GPN3: variants seen among roughly 807,000 people sequenced by gnomAD.
The protein encoded by GPN3 is GPN-loop GTPase 3.
In GPN3, 31 loss-of-function variants were observed where a neutral mutation model predicts 38.7. The observed-to-expected ratio is 0.80, with a 90% confidence interval of 0.60 to 1.08. GPN3 has a LOEUF of 1.08. GPN3 is among the 50% of genes least tolerant of loss of function. The pLI is 0.00. For missense variants in GPN3, 301 were observed against 354.4 expected (o/e 0.85, Z 1.21); for synonymous variants, 116 against 120.2 (o/e 0.96, Z 0.23).
chr12:110,457,477 A>T, intron 4 of GPN3, 33 bp downstream of exon 4: 2 of 1,426,458 alleles, frequency 1.4e-6, no homozygotes, highest in Non-Finnish European at 1.8e-6. Flanking sequence ...AAAAAAAAAA[A>T]AAAAAAAATC....
At position 110,468,241 on chromosome 12, in the gene GPN3, T is replaced by A; in HGVS notation, c.-38A>T. ...AGCCGCCCGCCACACTCCCTTAGCC[T>A]TCGCGCGACGCCCACTGAGCTCCGG... On this transcript the variant is annotated 5_prime_UTR_variant, in exon 1 of 8. The change creates a new upstream start codon in the 5' untranslated region. Transcript: ENST00000228827. The A allele has an allele frequency of 6.2e-7, 1 of 1,605,604 alleles. No homozygotes were observed. The highest frequency in any genetic ancestry group is 8.5e-7 in the Non-Finnish European group (1 of 1,179,478).
At position 110,460,113 on chromosome 12, in the gene GPN3, AT is replaced by A. The variant is rs572293722; in HGVS notation, c.158-252del. On this transcript the variant is annotated intron_variant, in intron 2 of 7. Transcript: ENST00000228827. ...CTCTTTAAGTATTAATAATAATACA[AT>A]CTCCTAGGTATATTGTTCAGTGAAA... 3.1e-3 allele frequency among the ~76,000 whole-genome samples: 466 copies of A among 152,346 alleles called. 2 individuals are homozygous for A. Among genetic ancestry groups the A allele is most frequent in the South Asian group, 0.012 (56 of 4,832 alleles).
chr12:110,453,702 T>C (rs1480033366), intron 7 of GPN3, 41 bp downstream of exon 7: 2 of 1,561,352 alleles, frequency 1.3e-6, no homozygotes, highest in Admixed American at 1.7e-5. Context: ...CTGGCAAATA[T>C]TTTTATCAAA....
chr12:110,453,045 G>C lies in GPN3; in HGVS notation c.844C>G (p.Gln282Glu), dbSNP rs2062523789. 7 of 1,404,694 alleles carry C rather than the reference G, an allele frequency of 5.0e-6. No homozygotes were observed. Among genetic ancestry groups the C allele is most frequent in the Non-Finnish European group, 7.1e-6 (7 of 989,338 alleles). The allele number at this position is 1,404,694 out of a possible 1,614,324, so 87.0% of individuals were successfully genotyped here. Residue 282 changes from glutamine (Q) to glutamate (E), a missense_variant, in exon 8 of 8, where the codon CAG becomes GAG. Physicochemically the swap from Gln to Glu is conservative, Grantham distance 29. Transcript: ENST00000228827. ...TTTTAGTAAACTCTTCATTCATCCT[G>C]GCATTCTTGAAAATATTCGTCAAAC... ...SMFDEYFQEC[Q>E]DE
chr12:110,461,281 A>C, intron 2 of GPN3: 1 of 1,300,750 alleles, frequency 7.7e-7, no homozygotes, highest in Admixed American at 1.7e-5. Context: ...ATGAAGATTC[A>C]CCAAATAAGC....
At position 110,458,844 on chromosome 12, in the gene GPN3, T is replaced by A. The variant is rs965918835; in HGVS notation, c.325+851A>T. 2.0e-5 allele frequency among the ~76,000 whole-genome samples: 3 copies of A among 152,134 alleles called. No individual in the cohort carries two copies. The highest frequency in any genetic ancestry group is 7.2e-5 in the African/African-American group (3 of 41,446). On this transcript the variant is annotated intron_variant, in intron 3 of 7. Transcript: ENST00000228827. This position sits in a 1 kb window ranked among gnomAD's most constrained non-coding sequence, Gnocchi z 4.4. Reference sequence around the variant, plus strand: ...CTTCAGAAGCCATGATGTGCTATTATCTGTCTCCTACCAGTCACACCTCAT... The same window carrying A: ...CTTCAGAAGCCATGATGTGCTATTAACTGTCTCCTACCAGTCACACCTCAT...
chr12:110,464,885 G>A (rs1295693708), intron 2 of GPN3: 7 of 515,796 alleles, frequency 1.4e-5, no homozygotes, highest in Non-Finnish European at 2.1e-5. Context: ...GAGCCTCCGC[G>A]CCCGGCCCCA....
upstream of GPN3, chr12:110,468,634 C>T: frequency 2.6e-6 from 4 of 1,537,218 alleles, no homozygotes; most frequent in Non-Finnish European, 3.5e-6. Context: ...TTTTGGGGAG[C>T]ATGTATATTT....
At chr12:110,464,744 C>T (rs1335172975) in intron 2 of GPN3, 5 of 232,556 alleles carry the variant, frequency 2.2e-5, no homozygotes, top group Non-Finnish European at 4.3e-5. Context: ...AGTCACATGC[C>T]ACCACACCCA....
chr12:110,467,187 G>C (rs904954774), intron 1 of GPN3, among the ~76,000 whole-genome samples: 2 of 151,440 alleles, frequency 1.3e-5, no homozygotes, highest in African/African-American at 4.9e-5. Context: ...ACAGAGTTTC[G>C]CCGTGTTGCC....
intron 2 of GPN3, among the ~76,000 whole-genome samples, chr12:110,464,075 T>A (rs186067786): frequency 1.3e-5 from 2 of 151,972 alleles, no homozygotes; most frequent in African/African-American, 4.8e-5. Flanking sequence ...GCTCAAGTGA[T>A]CCTCCCACAT....
chr12:110,468,438 A>C (rs749249726), upstream of GPN3: 128 of 1,535,120 alleles, frequency 8.3e-5, no homozygotes, highest in Admixed American at 2.0e-4. Flanking sequence ...GTTGATGGAA[A>C]TCGGCCGTTG....
intron 2 of GPN3, chr12:110,461,298 CTT>C (rs1300389972): frequency 1.6e-6 from 2 of 1,241,906 alleles, no homozygotes; most frequent in Non-Finnish European, 2.3e-6. Context: ...AAGCCATATA[CTT>C]TGGTTACCTA....
At chr12:110,462,051 C>T (rs1358419768) in intron 2 of GPN3, among the ~76,000 whole-genome samples, 2 of 152,122 alleles carry the variant, frequency 1.3e-5, no homozygotes, top group East Asian at 1.9e-4. Flanking sequence ...CCATGCTTCC[C>T]AGGCTGGTCT....
At chr12:110,453,657 G>T in intron 7 of GPN3, 86 bp downstream of exon 7, 1 of 1,022,202 alleles carries the variant, frequency 9.8e-7, no homozygotes, top group South Asian at 1.4e-5. Flanking sequence ...ACTAATTTAA[G>T]GAGTCGCCTG....
Position 110,455,918 on chromosome 12 carries a change from T to C in GPN3, c.463A>G (p.Ile155Val), listed in dbSNP as rs143166802. 8.4e-4 allele frequency: 1,325 copies of C among 1,579,312 alleles called. 4 individuals are homozygous for C. The highest frequency in any genetic ancestry group is 1.0e-3 in the Non-Finnish European group (1,198 of 1,148,434). The change falls in exon 5 of 8, where the codon ATC becomes GTC. Residue 155 changes from isoleucine (I) to valine (V), a missense_variant. Ile to Val is a conservative substitution (Grantham distance 29). Transcript: ENST00000228827. ...ATCATGGCACTCAGGGCTGCCAAGA[T>C]GCCAGAAATAAACTGAAGGAGGAAA... is the stretch of plus-strand genomic sequence containing the variant. ...MVESFKFISGILAALSAMISL... is the reference protein window; with the variant it reads ...MVESFKFISGVLAALSAMISL...
chr12:110,463,526 T>G (rs2135526257), intron 2 of GPN3, among the ~76,000 whole-genome samples: 1 of 133,204 alleles, frequency 7.5e-6, no homozygotes, highest in South Asian at 2.5e-4. Context: ...TCCCAACACT[T>G]TGGGAGACTG....
At chr12:110,453,552 A>G (rs1592959696) in intron 7 of GPN3, among the ~76,000 whole-genome samples, 191 bp downstream of exon 7, 1 of 152,196 alleles carries the variant, frequency 6.6e-6, no homozygotes, top group Non-Finnish European at 1.5e-5. Flanking sequence ...TGCCTCAACA[A>G]AAGTAGAGTA....
chr12:110,454,196 A>G (rs1259292457), intron 6 of GPN3, among the ~76,000 whole-genome samples: 2 of 152,162 alleles, frequency 1.3e-5, no homozygotes, highest in South Asian at 2.1e-4. Flanking sequence ...ATAAGATGTT[A>G]GTTTATTTAT....
Sources: allele counts gnomAD v4.1 joint callset (sites outside exome capture counted in the v4.1 genomes callset), GRCh38; gene constraint gnomAD v4.1.1; non-coding constraint Gnocchi (gnomAD v3.1); transcripts MANE v1.5; gene names NCBI Gene and HGNC (gene_info 2026-07-23, HGNC 2026-07-21).